Variants in CWF19L2 observed in about 807,000 individuals in gnomAD.
The protein encoded by CWF19L2 is CWF19-like protein 2.
Under a neutral mutation model 111.7 loss-of-function variants are expected in CWF19L2, and 98 were observed. The ratio of observed to expected loss-of-function variants is 0.88; its 90% CI spans 0.75 to 1.04. The LOEUF is 1.04. Among genes scored for constraint, CWF19L2 ranks in the 50% least tolerant of loss-of-function variants. The pLI is 0.00. For missense variants in CWF19L2, 1,101 were observed against 1,051.4 expected (o/e 1.05, Z -0.65); for synonymous variants, 351 against 342.9 (o/e 1.02, Z -0.26).
chr11:107,385,535 T>C (rs1301207319), intron 12 of CWF19L2, among the ~76,000 whole-genome samples: 2 of 152,202 alleles, frequency 1.3e-5, no homozygotes, highest in Non-Finnish European at 2.9e-5. Context: ...TTAGGGAAAG[T>C]AATGAAGATG....
chr11:107,429,302 A>G lies in CWF19L2; in HGVS notation c.930T>C (p.Tyr310=). The change falls in exon 8 of 18, where the codon TAT becomes TAC. Residue 310 remains tyrosine (Y), a synonymous_variant. Coordinates refer to ENST00000282251, the MANE Select transcript of CWF19L2 (RefSeq NM_152434.3). ...QESRESDLVK[Y]GNSSRDRYAT... is the part of the protein sequence containing the mutation. ...CATATCTATCCCTTGAACTGTTACCATATTTTACTAAGTCTGATTCTCTAC... is the reference window on the plus strand; with the variant it reads ...CATATCTATCCCTTGAACTGTTACCGTATTTTACTAAGTCTGATTCTCTAC... The G allele has an allele frequency of 1.9e-6, 3 of 1,612,568 alleles. 1 individual carries two copies. The highest frequency in any genetic ancestry group is 2.2e-5 in the South Asian group (2 of 91,010).
intron 10 of CWF19L2, among the ~76,000 whole-genome samples, chr11:107,408,878 A>G (rs1056656933): frequency 2.6e-5 from 4 of 152,048 alleles, no homozygotes; most frequent in African/African-American, 9.6e-5. Context: ...AAGCTACAAT[A>G]ATGTTTACTT....
chr11:107,360,987 G>A (rs11822808), intron 12 of CWF19L2, among the ~76,000 whole-genome samples: 13 of 152,190 alleles, frequency 8.5e-5, no homozygotes, highest in African/African-American at 3.1e-4. Context: ...TGTTTTTATT[G>A]CTCAGGCTTT....
intron 8 of CWF19L2, among the ~76,000 whole-genome samples, chr11:107,419,096 G>C (rs944642810): frequency 1.3e-5 from 2 of 152,180 alleles, no homozygotes; most frequent in African/African-American, 4.8e-5. Context: ...GAAACCACCT[G>C]CAGTCAGGGA....
rs1235136408 is a variant in CWF19L2 at position 107,392,891 on chromosome 11, TCATTCTATA to T, written c.1618-5_1621del. The T allele has an allele frequency of 6.5e-7, 1 of 1,547,340 alleles. No homozygotes were observed. The highest frequency in any genetic ancestry group is 8.7e-7 in the Non-Finnish European group (1 of 1,148,726). On this transcript the variant is annotated splice_acceptor_variant and splice_polypyrimidine_tract_variant and coding_sequence_variant and intron_variant, in exon 11 of 18. Coordinates refer to ENST00000282251, the MANE Select transcript of CWF19L2 (RefSeq NM_152434.3). LOFTEE classifies it high-confidence loss of function. ...GACAAGGATTACTTCTTGCTGGTCT[TCATTCTATA>T]AAAAGATTTAGAGATAACTATTGAA...
In CWF19L2 at chr11:107,447,251, G is replaced by A. The variant is rs372470874; in HGVS notation, c.340-4202C>T. On this transcript the variant is annotated intron_variant, in intron 3 of 17. Coordinates refer to ENST00000282251, the MANE Select transcript of CWF19L2 (RefSeq NM_152434.3). ...GAAAATCTCACTGAGCAAAGGAAAC[G>A]GAATTTGAACTTTGTGAAGGCTGAA... Among the ~76,000 whole-genome samples the A allele has an allele frequency of 9.2e-5, 14 of 152,258 alleles. No homozygotes were observed. In the East Asian group the frequency reaches 1.4e-3, roughly 15 times the overall value.
intron 12 of CWF19L2, among the ~76,000 whole-genome samples, chr11:107,361,441 T>C (rs1362090766): frequency 6.6e-6 from 1 of 152,186 alleles, no homozygotes; most frequent in Admixed American, 6.5e-5. Context: ...TTGCTTAGGA[T>C]TTCTTTGGCT....
intron 11 of CWF19L2, among the ~76,000 whole-genome samples, chr11:107,392,249 A>C (rs1453637532): frequency 6.6e-6 from 1 of 152,224 alleles, no homozygotes; most frequent in African/African-American, 2.4e-5. Flanking sequence ...AAAATAAAAA[A>C]AACTAACTTG....
intron 8 of CWF19L2, among the ~76,000 whole-genome samples, chr11:107,424,144 T>A (rs1861341548): frequency 6.6e-6 from 1 of 151,464 alleles, no homozygotes; most frequent in South Asian, 2.1e-4. Context: ...TTCCTCAAAT[T>A]TCTCCCTTGT....
chr11:107,388,109 A>G (rs894320761), intron 12 of CWF19L2, among the ~76,000 whole-genome samples: 9 of 152,184 alleles, frequency 5.9e-5, no homozygotes, highest in African/African-American at 2.2e-4. Flanking sequence ...AGTCTGATGA[A>G]ACATCACCTA....
chr11:107,382,506 T>C (rs1860701819), intron 12 of CWF19L2, among the ~76,000 whole-genome samples: 1 of 152,230 alleles, frequency 6.6e-6, no homozygotes, highest in African/African-American at 2.4e-5. Flanking sequence ...TTTCCAAATC[T>C]AAAATTCTTT....
At chr11:107,391,861 T>C (rs902193961) in intron 11 of CWF19L2, among the ~76,000 whole-genome samples, 1 of 152,202 alleles carries the variant, frequency 6.6e-6, no homozygotes, top group Non-Finnish European at 1.5e-5. Context: ...GTCTTTTCAT[T>C]ATACTCAAAG....
At chr11:107,439,065 G>A (rs1861583134) in intron 6 of CWF19L2, 25 bp downstream of exon 6, 1 of 690,984 alleles carries the variant, frequency 1.4e-6, no homozygotes, top group South Asian at 1.7e-5. Context: ...AACCCTGTGT[G>A]TCTATAATCA....
rs375175421 is a variant in CWF19L2, at chr11:107,418,272, C to T, written c.1449G>A (p.Glu483=). The change falls in exon 9 of 18, where the codon GAG becomes GAA. Residue 483 remains glutamate (E), a synonymous_variant. Transcript: ENST00000282251. The part of the protein sequence containing the change: ...KSTFAGSPER[E]SIHILSVDEK... ...CATCAACACTCAGGATGTGAATGGA[C>T]TCACGCTCTGGACTGCTATTGGAAT... is the stretch of plus-strand genomic sequence containing the variant. The T allele has an allele frequency of 1.2e-4, 191 of 1,611,724 alleles. No individual in the cohort carries two copies. Among genetic ancestry groups the T allele is most frequent in the Non-Finnish European group, 1.6e-4 (186 of 1,177,976 alleles).
rs1005204969 is a variant in CWF19L2 at position 107,372,606 on chromosome 11, G to A, written c.1872+17468C>T. On this transcript the variant is annotated intron_variant, in intron 12 of 17. Coordinates refer to ENST00000282251, the MANE Select transcript of CWF19L2 (RefSeq NM_152434.3). ...ATACCATTCAAAATGTTTAAACCTA[G>A]GGACTAAAGGATGAGATGCACATTT... Among the ~76,000 whole-genome samples, 5 of 136,526 alleles carry A rather than the reference G, an allele frequency of 3.7e-5. 2 individuals carry two copies. The highest frequency in any genetic ancestry group is 1.5e-4 in the African/African-American group (5 of 33,898). 89.6% of individuals were successfully genotyped at this position (136,526 alleles called of 152,430 possible). A position where few individuals can be genotyped will look rare whatever the true frequency, so the allele number is the denominator to read the frequency against.
intron 8 of CWF19L2, among the ~76,000 whole-genome samples, chr11:107,422,437 G>C (rs1188695651): frequency 6.6e-6 from 1 of 152,020 alleles, no homozygotes; most frequent in African/African-American, 2.4e-5. Flanking sequence ...GAGAGCAGGG[G>C]TGTGGGAAAG....
intron 16 of CWF19L2, among the ~76,000 whole-genome samples, chr11:107,332,218 A>C (rs1469644680): frequency 6.6e-6 from 1 of 152,210 alleles, no homozygotes; most frequent in Non-Finnish European, 1.5e-5. Flanking sequence ...AGTTATCACA[A>C]AATTAAACTT....
chr11:107,346,143 A>G (rs542553354), intron 14 of CWF19L2, among the ~76,000 whole-genome samples: 1 of 152,330 alleles, frequency 6.6e-6, no homozygotes, highest in East Asian at 1.9e-4. Flanking sequence ...ATGAATACAT[A>G]ATTTTGACAT....
intron 8 of CWF19L2, among the ~76,000 whole-genome samples, chr11:107,426,487 A>C (rs988235988): frequency 6.6e-6 from 1 of 152,028 alleles, no homozygotes; most frequent in African/African-American, 2.4e-5. Flanking sequence ...GCTATATTTA[A>C]ATAGCATGCA....
Sources: allele counts gnomAD v4.1 joint callset (sites outside exome capture counted in the v4.1 genomes callset), GRCh38; gene constraint gnomAD v4.1.1; transcripts MANE v1.5; gene names NCBI Gene and HGNC (gene_info 2026-07-23, HGNC 2026-07-21).